TRPM7: variants seen among roughly 807,000 people sequenced by gnomAD.
The protein encoded by TRPM7 is LTRPC ion channel family member 7.
Under a neutral mutation model 229.7 loss-of-function variants are expected in TRPM7, and 134 were observed. The observed-to-expected ratio is 0.58, with a 90% CI of 0.51 to 0.67. The LOEUF (loss-of-function observed/expected upper bound fraction) is 0.67, where lower values mean the gene tolerates loss of function less well. TRPM7 is among the 30% of genes least tolerant of loss of function. The pLI, the probability that TRPM7 is intolerant of heterozygous loss-of-function variation, is 0.00. For synonymous variants in TRPM7, 699 were observed against 715.2 expected (o/e 0.98, Z 0.36); for missense variants, 1,901 against 2,210.0 (o/e 0.86, Z 2.80).
chr15:50,567,184 TTTA>T (rs1362114593), intron 38 of TRPM7, among the ~76,000 whole-genome samples: 2 of 152,106 alleles, frequency 1.3e-5, no homozygotes, highest in Non-Finnish European at 2.9e-5. Flanking sequence ...AAAATTATTT[TTTA>T]TTATTATACT....
intron 37 of TRPM7, 43 bp downstream of exon 37, chr15:50,570,061 A>C: frequency 6.3e-7 from 1 of 1,593,116 alleles, no homozygotes; most frequent in Non-Finnish European, 8.6e-7. Flanking sequence ...TACAAATATA[A>C]AATGTGAAAT....
chr15:50,607,326 C>A lies in TRPM7; in HGVS notation c.2583G>T (p.Leu861Phe), dbSNP rs1413571848. The part of the protein sequence containing the change: ...APIVKFWFNT[L>F]AYLGFLMLYT... ...AAAGCATCAGAAATCCTAAATATGC[C>A]AACTAATGAAAAAGTAAAGGTTACA... The change falls in exon 20 of 39, where the codon TTG (leucine) becomes TTT (phenylalanine). Residue 861 changes from leucine (L) to phenylalanine (F), a missense_variant and splice_region_variant. By Grantham distance (22) the Leu-to-Phe change is conservative. Transcript: ENST00000646667. 2 of 1,560,764 alleles carry A rather than the reference C, an allele frequency of 1.3e-6. No individual in the cohort carries two copies. The highest frequency in any genetic ancestry group is 2.5e-5 in the South Asian group (2 of 79,966).
intron 4 of TRPM7, among the ~76,000 whole-genome samples, chr15:50,646,328 C>A (rs941451623): frequency 2.6e-5 from 4 of 152,144 alleles, no homozygotes; most frequent in African/African-American, 9.7e-5. Context: ...GTTGCCCAGG[C>A]TAGACTTTGG....
rs56984901 is a variant in TRPM7 at position 50,649,264 on chromosome 15, C to A, written c.123-379G>T. Among the ~76,000 whole-genome samples the A allele has an allele frequency of 1.3e-5, 2 of 151,926 alleles. 1 individual carries two copies. The highest frequency in any genetic ancestry group is 4.1e-4 in the South Asian group (2 of 4,824). On this transcript the variant is annotated intron_variant, in intron 3 of 38. Coordinates refer to ENST00000646667, the MANE Select transcript of TRPM7 (RefSeq NM_017672.6). Reference sequence around the variant, plus strand: ...CCATCCTAAGAAACACAGCAAGACCCTGACTTGACAAAAAATTTTAAAAAA... The same window carrying A: ...CCATCCTAAGAAACACAGCAAGACCATGACTTGACAAAAAATTTTAAAAAA...
intron 3 of TRPM7, among the ~76,000 whole-genome samples, chr15:50,651,577 G>T (rs1475979133): frequency 2.6e-5 from 4 of 152,066 alleles, no homozygotes; most frequent in African/African-American, 9.7e-5. Flanking sequence ...CAGGTGGATT[G>T]CTTAAGCCCA....
intron 27 of TRPM7, among the ~76,000 whole-genome samples, 192 bp downstream of exon 27, chr15:50,589,396 CTGTT>C (rs2059427259): frequency 6.7e-6 from 1 of 150,288 alleles, no homozygotes; most frequent in African/African-American, 2.4e-5. Context: ...ATTACGCAAG[CTGTT>C]TGTACCTTTT....
At chr15:50,581,478 G>A (rs994079533) in intron 29 of TRPM7, among the ~76,000 whole-genome samples, 42 of 150,116 alleles carry the variant, frequency 2.8e-4, no homozygotes, top group African/African-American at 9.2e-4. Context: ...CAGCCTAGGC[G>A]ACAGAGCGAG....
chr15:50,669,704 G>GT (rs2061949526), intron 1 of TRPM7, among the ~76,000 whole-genome samples: 1 of 151,870 alleles, frequency 6.6e-6, no homozygotes, highest in African/African-American at 2.4e-5. Context: ...CTCATCAGTT[G>GT]TTTGAGTTTT....
chr15:50,632,798 G>C, intron 9 of TRPM7, 71 bp downstream of exon 9: 1 of 1,375,698 alleles, frequency 7.3e-7, no homozygotes, highest in Non-Finnish European at 9.7e-7. Context: ...TATTTCACCA[G>C]TTTAGAATGT....
chr15:50,602,996 A>G (rs746383488), intron 21 of TRPM7, among the ~76,000 whole-genome samples: 1 of 152,202 alleles, frequency 6.6e-6, no homozygotes, highest in East Asian at 1.9e-4. Flanking sequence ...AAGAGCTACA[A>G]CACCTTTTTT....
intron 17 of TRPM7, among the ~76,000 whole-genome samples, chr15:50,610,221 TA>T (rs1449847849): frequency 6.6e-5 from 10 of 152,088 alleles, no homozygotes; most frequent in African/African-American, 2.4e-4. Context: ...ATAGATTTAA[TA>T]ATTATTATAG....
chr15:50,579,409 A>AT (rs1407529094), intron 30 of TRPM7, among the ~76,000 whole-genome samples: 1 of 152,100 alleles, frequency 6.6e-6, no homozygotes, highest in Non-Finnish European at 1.5e-5. Flanking sequence ...TTTCCTGTTG[A>AT]TTTTCACCTT....
At chr15:50,643,303 A>C in intron 5 of TRPM7, 37 bp downstream of exon 5, 1 of 1,569,484 alleles carries the variant, frequency 6.4e-7, no homozygotes, top group Non-Finnish European at 8.7e-7. Context: ...AAAAAATTAA[A>C]ACACACTAAA....
At chr15:50,640,702 T>G (rs1290139436) in intron 5 of TRPM7, among the ~76,000 whole-genome samples, 1 of 152,096 alleles carries the variant, frequency 6.6e-6, no homozygotes, top group Non-Finnish European at 1.5e-5. Flanking sequence ...ATTACTGTAC[T>G]TGGAGGCAGG....
At chr15:50,650,328 T>G (rs774269691) in intron 3 of TRPM7, among the ~76,000 whole-genome samples, 5 of 148,526 alleles carry the variant, frequency 3.4e-5, no homozygotes, top group Non-Finnish European at 7.4e-5. Context: ...CCAGCCAGAG[T>G]AGAGATCTCA....
chr15:50,652,587 T>C (rs1169074525), intron 3 of TRPM7, among the ~76,000 whole-genome samples: 1 of 151,386 alleles, frequency 6.6e-6, no homozygotes, highest in African/African-American at 2.4e-5. Flanking sequence ...GCCAGATGCC[T>C]TCACTGGTGA....
At chr15:50,675,014 C>T (rs2062063617) in intron 1 of TRPM7, among the ~76,000 whole-genome samples, 1 of 152,052 alleles carries the variant, frequency 6.6e-6, no homozygotes, top group South Asian at 2.1e-4. Context: ...AAATTTTATG[C>T]CTACAGGGAC....
At position 50,619,997 on chromosome 15, in the gene TRPM7, G is replaced by T. The variant is rs117574567; in HGVS notation, c.1441-199C>A. Among the ~76,000 whole-genome samples the T allele has an allele frequency of 4.5e-4, 68 of 152,236 alleles. No homozygotes were observed. In the East Asian group the frequency reaches 0.012, roughly 28 times the overall value. On this transcript the variant is annotated intron_variant, in intron 12 of 38. Coordinates refer to ENST00000646667, the MANE Select transcript of TRPM7 (RefSeq NM_017672.6). Reference sequence around the variant, plus strand: ...ATAATCTTAAGAGTATCACTAAAATGATACATAAGTTTTTGTTTCACAAAA... The same window carrying T: ...ATAATCTTAAGAGTATCACTAAAATTATACATAAGTTTTTGTTTCACAAAA...
intron 13 of TRPM7, among the ~76,000 whole-genome samples, chr15:50,615,317 ATTTT>A (rs971257657): frequency 1.3e-5 from 2 of 151,972 alleles, no homozygotes; most frequent in South Asian, 4.1e-4. Context: ...CATGTTAAGT[ATTTT>A]TTTAACCAAA....
Sources: gnomAD v4.1 joint callset for allele counts (sites outside exome capture counted in the v4.1 genomes callset) on GRCh38, gnomAD v4.1.1 for gene constraint, MANE v1.5 for transcripts, NCBI Gene and HGNC (gene_info 2026-07-23, HGNC 2026-07-21) for gene names.